Variants in RNF135 observed in about 807,000 individuals in gnomAD.
The protein encoded by RNF135 is ring finger protein 135.
In RNF135, 46 loss-of-function variants were observed where a neutral mutation model predicts 41.9. The observed-to-expected ratio is 1.10, with a 90% CI of 0.87 to 1.40. The LOEUF is 1.40. RNF135 is among the 40% of genes most tolerant of loss of function. The probability of loss-of-function intolerance (pLI) is 0.00; values close to 1 mark genes in which losing one functional copy is unlikely to be tolerated. For missense variants in RNF135, 539 were observed against 549.8 expected (o/e 0.98, Z 0.20); for synonymous variants, 238 against 223.8 (o/e 1.06, Z -0.57).
intron 3 of RNF135, among the ~76,000 whole-genome samples, chr17:30,996,784 C>T (rs148023970): frequency 6.6e-6 from 1 of 152,278 alleles, no homozygotes; most frequent in East Asian, 1.9e-4. Context: ...TAGGAGGTGT[C>T]AGCAATGGTG....
chr17:30,970,972 G>C (rs1246624102), upstream of RNF135: 4 of 1,486,354 alleles, frequency 2.7e-6, no homozygotes, highest in African/African-American at 2.8e-5. Context: ...AAAGGCGGCC[G>C]AGAAAAGGAG....
chr17:30,970,675 T>C (rs1043385694), upstream of RNF135: 2 of 243,322 alleles, frequency 8.2e-6, no homozygotes, highest in African/African-American at 4.7e-5. Context: ...AATGGAGTCC[T>C]CTCCTCCCAA....
intron 1 of RNF135, among the ~76,000 whole-genome samples, chr17:30,978,379 T>C (rs1598082631): frequency 6.6e-6 from 1 of 152,262 alleles, no homozygotes; most frequent in East Asian, 1.9e-4. Flanking sequence ...GATTTGCCCC[T>C]TTGAGGCCAT....
At chr17:30,964,117 G>A in the RNF135 span, among the ~76,000 whole-genome samples, 1 of 152,246 alleles carries the variant, frequency 6.6e-6, no homozygotes, top group South Asian at 2.1e-4. Flanking sequence ...GCTGGGCTCG[G>A]TGGCTCACGC....
At chr17:30,970,956 A>C, upstream of RNF135, 2 of 1,388,738 alleles carry the variant, frequency 1.4e-6, no homozygotes, top group Non-Finnish European at 2.0e-6. Context: ...CCAAGGAAGG[A>C]GGAGAAAAGG....
In RNF135 at chr17:30,976,412, A is replaced by G. The variant is rs147529735; in HGVS notation, c.372+4967A>G. Reference sequence around the variant, plus strand: ...AGAATGATCATGTGCTGAGGAAAAGATCCATGTGTATTCTGTAGCGTGGAT... The same window carrying G: ...AGAATGATCATGTGCTGAGGAAAAGGTCCATGTGTATTCTGTAGCGTGGAT... On this transcript the variant is annotated intron_variant, in intron 1 of 4. Coordinates refer to ENST00000328381, the MANE Select transcript of RNF135 (RefSeq NM_032322.4). Among the ~76,000 whole-genome samples the G allele has an allele frequency of 3.9e-4, 59 of 152,336 alleles. 2 individuals are homozygous for G. The East Asian group carries it at 0.011, about 28-fold the overall frequency.
chr17:30,996,898 T>A (rs1908385146), intron 3 of RNF135, among the ~76,000 whole-genome samples: 1 of 152,206 alleles, frequency 6.6e-6, no homozygotes, highest in Non-Finnish European at 1.5e-5. Context: ...TGCAATCCCC[T>A]GGAACTGTAT....
chr17:30,999,322 C>T lies in RNF135; in HGVS notation c.*131C>T, dbSNP rs763715431. The stretch of plus-strand genomic sequence containing the variant: ...AGAGATGGGATCTCACTAGGTTGCC[C>T]AGGCTGGTGTCGAATTCCTGGTCTC... On this transcript the variant is annotated 3_prime_UTR_variant, in exon 5 of 5. Transcript: ENST00000328381. 9.5e-7 allele frequency: 1 copy of T among 1,051,394 alleles called. No homozygotes were observed. The highest frequency in any genetic ancestry group is 1.4e-6 in the Non-Finnish European group (1 of 713,414). The allele number at this position is 1,051,394 out of a possible 1,614,324, so 65.1% of individuals were successfully genotyped here. A position where few individuals can be genotyped will look rare whatever the true frequency, so the allele number is the denominator to read the frequency against.
chr17:30,972,980 T>G (rs569945682), intron 1 of RNF135: 1 of 152,404 alleles, frequency 6.6e-6, no homozygotes, highest in East Asian at 1.9e-4. Flanking sequence ...TTCACCATGT[T>G]GGCCAGGATG....
chr17:30,991,974 C>G (rs1305165432), intron 3 of RNF135, among the ~76,000 whole-genome samples: 2 of 150,174 alleles, frequency 1.3e-5, no homozygotes, highest in Non-Finnish European at 3.0e-5. Context: ...TTCTTGTTGC[C>G]CAGGCTGGAG....
chr17:30,978,520 C>G (rs547506584), intron 1 of RNF135: 1 of 152,234 alleles, frequency 6.6e-6, no homozygotes, highest in African/African-American at 2.4e-5. Context: ...TTGAGAGACT[C>G]TGATGCATTC....
At chr17:30,993,793 C>A in intron 3 of RNF135, 1 of 977,674 alleles carries the variant, frequency 1.0e-6, no homozygotes, top group South Asian at 1.5e-5. Flanking sequence ...TTATAATCTG[C>A]ATTCTGCTGA....
intron 3 of RNF135, chr17:30,993,781 G>C (rs1471634671): frequency 2.1e-6 from 2 of 963,706 alleles, no homozygotes; most frequent in South Asian, 3.2e-5. Flanking sequence ...TTTTTCTTTT[G>C]TTTATAATCT....
chr17:30,967,120 C>T (rs559922607), upstream of RNF135, among the ~76,000 whole-genome samples: 8 of 152,148 alleles, frequency 5.3e-5, no homozygotes, highest in Admixed American at 3.9e-4. Context: ...CTACAACCTC[C>T]GTCTCCTAAG....
intron 3 of RNF135, among the ~76,000 whole-genome samples, chr17:30,997,005 T>G (rs931891544): frequency 3.3e-5 from 5 of 152,174 alleles, no homozygotes; most frequent in African/African-American, 1.2e-4. Context: ...ACAAGATCTT[T>G]GCTAGCAAGG....
intron 3 of RNF135, among the ~76,000 whole-genome samples, chr17:30,990,058 T>A (rs61331213): frequency 0.15 from 22,418 of 151,552 alleles, 5,152 homozygotes; most frequent in African/African-American, 0.5. Flanking sequence ...AAAGTTTCTT[T>A]AGGAAAACAA....
intron 1 of RNF135, among the ~76,000 whole-genome samples, chr17:30,979,714 ACC>A (rs1228109745): frequency 8.1e-5 from 3 of 36,948 alleles, no homozygotes; most frequent in African/African-American, 1.1e-4. Flanking sequence ...CGGGGGGCTG[ACC>A]CCCCCCACCT....
chr17:30,982,233 A>G (rs1199394947), intron 1 of RNF135, among the ~76,000 whole-genome samples: 1 of 152,102 alleles, frequency 6.6e-6, no homozygotes, highest in Non-Finnish European at 1.5e-5. Context: ...TTTCAAGTTT[A>G]TTTAGAGCCC....
chr17:30,983,354 T>TATATATATATATATATATATATA (rs1491179041), intron 1 of RNF135, among the ~76,000 whole-genome samples: 2 of 25,674 alleles, frequency 7.8e-5, no homozygotes, highest in Non-Finnish European at 1.7e-4. Context: ...TATATATATA[T>TATATATATATATATATATATATA]TTTTTTTTTT....
Sources: allele counts gnomAD v4.1 joint callset (sites outside exome capture counted in the v4.1 genomes callset), GRCh38; gene constraint gnomAD v4.1.1; transcripts MANE v1.5; gene names NCBI Gene and HGNC (gene_info 2026-07-23, HGNC 2026-07-21).